The following DOCK5 variants were observed in gnomAD, a reference collection of about 807,000 sequenced individuals.
DOCK5 encodes dedicator of cytokinesis protein 5.
A neutral mutation model predicts 251.8 loss-of-function variants in DOCK5; 142 were observed. That is an observed-to-expected ratio of 0.56 (90% CI 0.49 to 0.65). DOCK5 has a LOEUF of 0.65. Ranked by LOEUF, DOCK5 falls within the 30% of genes least tolerant of loss-of-function variation. The probability of loss-of-function intolerance (pLI) is 0.00; values close to 1 mark genes in which losing one functional copy is unlikely to be tolerated. For synonymous variants in DOCK5, 842 were observed against 835.5 expected, an observed-to-expected ratio of 1.01 and a Z score of -0.13; for missense variants, 2,111 against 2,312.3, an observed-to-expected ratio of 0.91 and a Z score of 1.79.
At chr8:25,349,933 A>G (rs1219978806) in intron 26 of DOCK5, among the ~76,000 whole-genome samples, 1 of 152,228 alleles carries the variant, frequency 6.6e-6, no homozygotes, top group Non-Finnish European at 1.5e-5. Context: ...GAAAATTCCT[A>G]CAGCCATAGA....
chr8:25,385,111 A>C (rs1319322733), intron 40 of DOCK5, among the ~76,000 whole-genome samples: 2 of 152,134 alleles, frequency 1.3e-5, no homozygotes, highest in African/African-American at 4.8e-5. Flanking sequence ...CAGCAGGCAC[A>C]GAGAGAGCTG....
rs55710185 is a variant in DOCK5 at position 25,277,924 on chromosome 8, C to G, written c.225-645C>G. ...TTTGTTTGCTTGCTCTTGCTTTCTC[C>G]TTTTTTCTTTTTGCTAATCATAAAA... On this transcript the variant is annotated intron_variant, in intron 4 of 51. Coordinates refer to ENST00000276440, the MANE Select transcript of DOCK5 (RefSeq NM_024940.8). Among the ~76,000 whole-genome samples the G allele has an allele frequency of 1.0e-3, 152 of 152,304 alleles. No individual in the cohort carries two copies. The Middle Eastern group carries it at 0.014, about 14-fold the overall frequency.
chr8:25,232,049 T>C (rs1802680392), intron 1 of DOCK5, among the ~76,000 whole-genome samples: 1 of 152,262 alleles, frequency 6.6e-6, no homozygotes, highest in Non-Finnish European at 1.5e-5. Context: ...TACTAATTGG[T>C]AATTCAATTC....
Position 25,242,243 on chromosome 8 carries a change from G to A in DOCK5, c.44-1431G>A, listed in dbSNP as rs537937596. 9.9e-5 allele frequency among the ~76,000 whole-genome samples: 15 copies of A among 152,200 alleles called. No individual in the cohort carries two copies. The South Asian group carries it at 2.7e-3, about 27-fold the overall frequency. On this transcript the variant is annotated intron_variant, in intron 1 of 51. Coordinates refer to ENST00000276440, the MANE Select transcript of DOCK5 (RefSeq NM_024940.8). ...ATTTGATGTGGATTTCTTTTGGCCG[G>A]GGGGCACCTTTACAGCCCACCACTG...
intron 1 of DOCK5, among the ~76,000 whole-genome samples, chr8:25,217,109 C>T (rs548016912): frequency 1.1e-4 from 16 of 146,340 alleles, no homozygotes; most frequent in African/African-American, 3.5e-4. Flanking sequence ...CACATATATA[C>T]GTATATATGT....
chr8:25,191,726 G>T (rs1374101901), intron 1 of DOCK5, among the ~76,000 whole-genome samples: 1 of 151,480 alleles, frequency 6.6e-6, no homozygotes, highest in East Asian at 1.9e-4. Flanking sequence ...CTCATCCATG[G>T]CCATATAATC....
chr8:25,297,175 A>G (rs1363801821), intron 7 of DOCK5, among the ~76,000 whole-genome samples: 1 of 151,672 alleles, frequency 6.6e-6, no homozygotes, highest in Non-Finnish European at 1.5e-5. Context: ...GCTCACTGCA[A>G]CCTCTGCTTC....
intron 22 of DOCK5, among the ~76,000 whole-genome samples, chr8:25,337,689 G>A (rs914584351): frequency 1.3e-5 from 2 of 150,992 alleles, no homozygotes; most frequent in East Asian, 2.0e-4. Flanking sequence ...AGGTTCAAGC[G>A]ATTCTCGTGC....
At chr8:25,283,890 C>T (rs912134903) in intron 5 of DOCK5, among the ~76,000 whole-genome samples, 68 of 152,250 alleles carry the variant, frequency 4.5e-4, no homozygotes, top group African/African-American at 1.5e-3. Context: ...TCAGTTGGAA[C>T]TAGTCACTGG....
chr8:25,205,374 A>G (rs558014330), intron 1 of DOCK5, among the ~76,000 whole-genome samples: 2 of 152,272 alleles, frequency 1.3e-5, no homozygotes, highest in African/African-American at 4.8e-5. Context: ...ACTGACCATG[A>G]TGGTAACTTG....
chr8:25,262,440 C>G (rs1479698602), intron 2 of DOCK5, among the ~76,000 whole-genome samples: 1 of 152,150 alleles, frequency 6.6e-6, no homozygotes, highest in African/African-American at 2.4e-5. Flanking sequence ...CATCCCCATG[C>G]CACCCTGAGC....
At chr8:25,300,945 A>G (rs932074165) in intron 9 of DOCK5, among the ~76,000 whole-genome samples, 3 of 152,204 alleles carry the variant, frequency 2.0e-5, no homozygotes, top group African/African-American at 7.2e-5. Context: ...CACGCCTGTA[A>G]TCCCAGGACT....
At chr8:25,393,601 C>A (rs941996642) in intron 44 of DOCK5, among the ~76,000 whole-genome samples, 7 of 152,270 alleles carry the variant, frequency 4.6e-5, no homozygotes, top group African/African-American at 1.7e-4. Context: ...GACACTGGAT[C>A]GTTTTCTCTG....
intron 11 of DOCK5, among the ~76,000 whole-genome samples, chr8:25,306,744 T>C (rs1804948345): frequency 6.6e-6 from 1 of 152,126 alleles, no homozygotes; most frequent in Admixed American, 6.5e-5. Context: ...ATGTTGAATG[T>C]AATACAATGT....
At chr8:25,201,613 A>G (rs899194473) in intron 1 of DOCK5, among the ~76,000 whole-genome samples, 1 of 152,222 alleles carries the variant, frequency 6.6e-6, no homozygotes, top group African/African-American at 2.4e-5. Flanking sequence ...TGCAAGAGCC[A>G]TTGGCTGCAG....
At chr8:25,241,211 T>A (rs969821649) in intron 1 of DOCK5, among the ~76,000 whole-genome samples, 3 of 152,170 alleles carry the variant, frequency 2.0e-5, no homozygotes, top group Non-Finnish European at 4.4e-5. Flanking sequence ...GCACGGTGGC[T>A]CACGCCTGTA....
intron 51 of DOCK5, among the ~76,000 whole-genome samples, chr8:25,410,853 CA>C (rs1351575440): frequency 1.3e-5 from 2 of 151,492 alleles, no homozygotes; most frequent in Non-Finnish European, 2.9e-5. Context: ...TTCCTTCAGT[CA>C]TTTAACAAAT....
chr8:25,204,530 C>T (rs780238148), intron 1 of DOCK5, among the ~76,000 whole-genome samples: 2 of 152,114 alleles, frequency 1.3e-5, no homozygotes, highest in African/African-American at 2.4e-5. Context: ...GCCTGTTAGG[C>T]CACATTAATG....
intron 5 of DOCK5, among the ~76,000 whole-genome samples, chr8:25,280,460 C>A (rs1219900290): frequency 6.6e-6 from 1 of 152,216 alleles, no homozygotes; most frequent in Admixed American, 6.5e-5. Context: ...TCATTCAGGG[C>A]TGTTGTTTCC....
Sources: gnomAD v4.1 joint callset for allele counts (sites outside exome capture counted in the v4.1 genomes callset) on GRCh38, gnomAD v4.1.1 for gene constraint, MANE v1.5 for transcripts, NCBI Gene and HGNC (gene_info 2026-07-23, HGNC 2026-07-21) for gene names.